The following KRT37 variants were observed in gnomAD, a reference collection of about 807,000 sequenced individuals.
KRT37 encodes the protein keratin 37, also known as keratin, type I cuticular Ha7.
In KRT37, 38 loss-of-function variants were observed where a neutral mutation model predicts 41.9. The ratio of observed to expected loss-of-function variants is 0.91; its 90% CI spans 0.70 to 1.19. KRT37 has a LOEUF of 1.19. KRT37 is among the 50% of genes most tolerant of loss of function. The pLI is 0.00. For missense variants in KRT37, 580 were observed against 575.5 expected (o/e 1.01, Z -0.08); for synonymous variants, 252 against 243.4 (o/e 1.04, Z -0.33).
Position 41,422,922 on chromosome 17 carries a change from C to A in KRT37, c.588G>T (p.Glu196Asp). Residue 196 changes from glutamate to aspartate, a missense_variant, in exon 3 of 7, where the codon GAG becomes GAT. Coordinates refer to ENST00000225550, the MANE Select transcript of KRT37 (RefSeq NM_003770.5). Reference protein sequence around the residue: ...ADDFRIKLESERSLHQLVEAD... With the variant: ...ADDFRIKLESDRSLHQLVEAD... ...CCTCCACCAGCTGGTGAAGGGAGCG[C>A]TCACTCTCCAGCCTTCCGTCACAGG... The A allele has an allele frequency of 9.3e-6, 15 of 1,613,598 alleles. No homozygotes were observed. Among genetic ancestry groups the A allele is most frequent in the Non-Finnish European group, 1.3e-5 (15 of 1,179,720 alleles).
At chr17:41,423,963 A>G in intron 1 of KRT37, 69 bp downstream of exon 1, 1 of 1,602,478 alleles carries the variant, frequency 6.2e-7, no homozygotes, top group Non-Finnish European at 8.5e-7. Flanking sequence ...TCTGGACCTT[A>G]TGCAGATTCC....
In KRT37 at chr17:41,422,792, T is replaced by C. The variant is rs750494445; in HGVS notation, c.718A>G (p.Ser240Gly). The C allele has an allele frequency of 1.9e-6, 3 of 1,609,572 alleles. No homozygotes were observed. The Admixed American group carries it at 5.0e-5, about 27-fold the overall frequency. The change falls in exon 3 of 7, where the codon AGC becomes GGC. Residue 240 changes from serine to glycine, a missense_variant. Coordinates refer to ENST00000225550, the MANE Select transcript of KRT37 (RefSeq NM_003770.5). ...SLKEEQLSLK[S>G]NHEQEVKILR... ...CAGGGCCACACCTGCTCGTGGTTGC[T>C]CTTGAGGGAGAGCTGCTCCTCCTTC... is the stretch of plus-strand genomic sequence containing the variant.
rs1226247252 is a variant in KRT37 at position 41,424,044 on chromosome 17, C to T, written c.480G>A (p.Glu160=). The T allele has an allele frequency of 6.2e-7, 1 of 1,612,754 alleles. No homozygotes were observed. The highest frequency in any genetic ancestry group is 1.3e-5 in the African/African-American group (1 of 74,898). ...TCCCACACCTCACCTTCTGCTGGAG[C>T]TCCTCGATTGTACGGAAGTAGGACT... ...DYQSYFRTIE[E]LQQKILCSKA... Residue 160 remains glutamate, a synonymous_variant, in exon 1 of 7, where the codon GAG becomes GAA. Transcript: ENST00000225550.
chr17:41,420,989 G>A lies in KRT37; in HGVS notation c.1242-3C>T. The stretch of plus-strand genomic sequence containing the variant: ...TGGAACAGGGATTGCAGGGGAGTCT[G>A]CAGGGAGAGAAAGAAGAGTTACATT... On this transcript the variant is annotated splice_polypyrimidine_tract_variant and splice_region_variant and intron_variant, in intron 6 of 6. Coordinates refer to ENST00000225550, the MANE Select transcript of KRT37 (RefSeq NM_003770.5). 6 of 1,603,212 alleles carry A rather than the reference G, an allele frequency of 3.7e-6. No homozygotes were observed. Among genetic ancestry groups the A allele is most frequent in the Non-Finnish European group, 4.3e-6 (5 of 1,170,226 alleles).
rs749063691 is a variant in KRT37, at chr17:41,424,500, G to C, written c.24C>G (p.Ser8=). ...CCATGGTGCAACCCAGAGGGCATGA[G>C]GAGGTGCTGTAGAAGGAGGTCATGG... is the stretch of plus-strand genomic sequence containing the variant. The part of the protein sequence containing the change: MTSFYST[S]SCPLGCTMAP... Residue 8 remains serine, a synonymous_variant, in exon 1 of 7, where the codon TCC becomes TCG. Transcript: ENST00000225550. 4 of 1,588,202 alleles carry C rather than the reference G, an allele frequency of 2.5e-6. No individual in the cohort carries two copies. In the Admixed American group the frequency reaches 5.1e-5, roughly 20 times the overall value.
At chr17:41,421,679 C>T in intron 5 of KRT37, 92 bp from the exon 6 acceptor site, 1 of 1,212,360 alleles carries the variant, frequency 8.2e-7, no homozygotes, top group Non-Finnish European at 1.2e-6. Context: ...AGGGCAAATT[C>T]CAAAATGTCA....
In KRT37 at chr17:41,422,908, T is replaced by C. The variant is rs761671486; in HGVS notation, c.602A>G (p.Gln201Arg). The C allele has an allele frequency of 2.5e-6, 4 of 1,613,990 alleles. No homozygotes were observed. The highest frequency in any genetic ancestry group is 1.1e-5 in the South Asian group (1 of 91,066). The change falls in exon 3 of 7, where the codon CAG (glutamine) becomes CGG (arginine). Residue 201 changes from glutamine (Q) to arginine (R), a missense_variant. By Grantham distance (43) the Gln-to-Arg change is conservative. Coordinates refer to ENST00000225550, the MANE Select transcript of KRT37 (RefSeq NM_003770.5). ...CCCGCACTTGTCCGCCTCCACCAGC[T>C]GGTGAAGGGAGCGCTCACTCTCCAG... ...IKLESERSLH[Q>R]LVEADKCGTQ... is the part of the protein sequence containing the mutation.
chr17:41,422,423 A>C lies in KRT37; in HGVS notation c.744T>G (p.Ile248Met), dbSNP rs551605318. ...ACTTCTCCCCCAGCTGACTCCTCAG[A>C]ATCTTTACTTCCTGCAGAAATGGAA... ...LKSNHEQEVK[I>M]LRSQLGEKFR... The change falls in exon 4 of 7, where the codon ATT becomes ATG. Residue 248 changes from isoleucine (I) to methionine (M), a missense_variant. Physicochemically the swap from Ile to Met is conservative, Grantham distance 10 (BLOSUM62 1). Transcript: ENST00000225550. The C allele has an allele frequency of 1.9e-6, 3 of 1,614,098 alleles. No individual in the cohort carries two copies. The African/African-American group carries it at 4.0e-5, about 22-fold the overall frequency.
rs1348161093 is a variant in KRT37, at chr17:41,420,880, A to G, written c.1348T>C (p.Ter450ArgextTer2). The G allele has an allele frequency of 1.2e-6, 2 of 1,608,328 alleles. No individual in the cohort carries two copies. The highest frequency in any genetic ancestry group is 2.2e-5 in the East Asian group (1 of 44,872). Residue 450 changes from the stop codon to arginine, a stop_lost, in exon 7 of 7, where the codon TGA becomes CGA. Coordinates refer to ENST00000225550, the MANE Select transcript of KRT37 (RefSeq NM_003770.5). Reference sequence around the variant, plus strand: ...TCTCCTAACTCGGGCCTTCAGAATCATCTCCCCATGCTGGCTCCATGGCCA... The same window carrying G: ...TCTCCTAACTCGGGCCTTCAGAATCGTCTCCCCATGCTGGCTCCATGGCCA... Reference protein sequence around the residue: ...PSGHGASMGR* With the variant: ...PSGHGASMGRR
rs147426931 is a variant in KRT37 at position 41,424,061 on chromosome 17, A to G, written c.463T>C (p.Phe155Leu). Residue 155 changes from phenylalanine to leucine, a missense_variant, in exon 1 of 7, where the codon TTC becomes CTC. Phe to Leu is a conservative substitution (Grantham distance 22, BLOSUM62 0). Transcript: ENST00000225550. ...TGCTGGAGCTCCTCGATTGTACGGA[A>G]GTAGGACTGGTAGTCGGGGCACACG... The part of the protein sequence containing the change: ...STVCPDYQSY[F>L]RTIEELQQKI... 8.2e-5 allele frequency: 133 copies of G among 1,614,050 alleles called. No individual in the cohort carries two copies. The African/African-American group carries it at 1.5e-3, about 18-fold the overall frequency.
At position 41,424,333 on chromosome 17, in the gene KRT37, C is replaced by T. The variant is rs370751326; in HGVS notation, c.191G>A (p.Arg64His). ...RVRVGSTPLGRPSLCLPPTSH... is the reference protein window; with the variant it reads ...RVRVGSTPLGHPSLCLPPTSH... ...GGTTGGGGGCAGACAGAGGCTGGGG[C>T]GGCCCAGGGGAGTCGACCCCACACG... Residue 64 changes from arginine to histidine, a missense_variant, in exon 1 of 7, where the codon CGC (arginine) becomes CAC (histidine). Coordinates refer to ENST00000225550, the MANE Select transcript of KRT37 (RefSeq NM_003770.5). 2.4e-5 allele frequency: 39 copies of T among 1,613,890 alleles called. No individual in the cohort carries two copies. The highest frequency in any genetic ancestry group is 2.7e-5 in the African/African-American group (2 of 74,920).
rs781404103 is a variant in KRT37, at chr17:41,423,850, GA to G, written c.493-7del. On this transcript the variant is annotated splice_polypyrimidine_tract_variant and splice_region_variant and intron_variant, in intron 1 of 6. Transcript: ENST00000225550. Reference sequence around the variant, plus strand: ...TCAGCCTTGCTGCACAGGATCTGAGGAAAACGGAAAGACGGTTCACACACAA... The same window carrying G: ...TCAGCCTTGCTGCACAGGATCTGAGGAAACGGAAAGACGGTTCACACACAA... 7.8e-5 allele frequency: 126 copies of G among 1,614,002 alleles called. 1 individual carries two copies. Among genetic ancestry groups the G allele is most frequent in the Non-Finnish European group, 9.8e-5 (116 of 1,179,990 alleles).
chr17:41,422,917 G>A lies in KRT37; in HGVS notation c.593C>T (p.Ser198Phe), dbSNP rs765476125. 3.7e-6 allele frequency: 6 copies of A among 1,613,738 alleles called. No homozygotes were observed. The highest frequency in any genetic ancestry group is 4.2e-6 in the Non-Finnish European group (5 of 1,179,792). ...DFRIKLESER[S>F]LHQLVEADKC... ...GTCCGCCTCCACCAGCTGGTGAAGGGAGCGCTCACTCTCCAGCCTTCCGTC... is the reference window on the plus strand; with the variant it reads ...GTCCGCCTCCACCAGCTGGTGAAGGAAGCGCTCACTCTCCAGCCTTCCGTC... The change falls in exon 3 of 7, where the codon TCC becomes TTC. Residue 198 changes from serine to phenylalanine, a missense_variant. Transcript: ENST00000225550.
intron 1 of KRT37, 63 bp from the exon 2 acceptor site, chr17:41,423,907 G>A: frequency 1.2e-6 from 2 of 1,607,638 alleles, no homozygotes; most frequent in Non-Finnish European, 1.7e-6. Flanking sequence ...CACTCCATGT[G>A]TGGTATTTAC....
In KRT37 at chr17:41,420,726, T is replaced by C. The variant is rs538613664; in HGVS notation, c.*152A>G. The C allele has an allele frequency of 4.6e-5, 25 of 537,898 alleles. No individual in the cohort carries two copies. Among genetic ancestry groups the C allele is most frequent in the South Asian group, 4.3e-4 (14 of 32,506 alleles). The allele number at this position is 537,898 out of a possible 1,614,324, so 33.3% of individuals were successfully genotyped here. ...CAACAAAAAATACAGCTTAGAGGCA[T>C]AGGCAGGGAGCCACTCCTTGGAAGT... On this transcript the variant is annotated 3_prime_UTR_variant, in exon 7 of 7. Transcript: ENST00000225550.
Position 41,424,580 on chromosome 17 carries a change from G to A in KRT37, c.-57C>T. 6.6e-7 allele frequency: 1 copy of A among 1,518,694 alleles called. No homozygotes were observed. Among genetic ancestry groups the A allele is most frequent in the Non-Finnish European group, 8.8e-7 (1 of 1,133,330 alleles). The allele number at this position is 1,518,694 out of a possible 1,614,324, so 94.1% of individuals were successfully genotyped here. A position where few individuals can be genotyped will look rare whatever the true frequency, so the allele number is the denominator to read the frequency against. On this transcript the variant is annotated 5_prime_UTR_variant, in exon 1 of 7. Transcript: ENST00000225550. ...GATCAGCTGGGAAGGCTGAGCCACT[G>A]AGACTGAAGCCTCCTCTCCTCCCAA...
In KRT37 at chr17:41,422,348, C is replaced by G; in HGVS notation, c.819G>C (p.Leu273Phe). The G allele has an allele frequency of 6.2e-7, 1 of 1,614,236 alleles. No individual in the cohort carries two copies. The highest frequency in any genetic ancestry group is 1.7e-5 in the Admixed American group (1 of 60,036). ...IEPTIDLNRV[L>F]GEMRAQYEAM... The stretch of plus-strand genomic sequence containing the variant: ...CCTCGTACTGAGCCCGCATCTCCCC[C>G]AACACCCTGTTCAGGTCAATGGTGG... The change falls in exon 4 of 7, where the codon TTG becomes TTC. Residue 273 changes from leucine (L) to phenylalanine (F), a missense_variant. Physicochemically the swap from Leu to Phe is conservative, Grantham distance 22. Coordinates refer to ENST00000225550, the MANE Select transcript of KRT37 (RefSeq NM_003770.5).
chr17:41,423,689 A>T, intron 2 of KRT37, 73 bp downstream of exon 2: 1 of 1,394,412 alleles, frequency 7.2e-7, no homozygotes, highest in Non-Finnish European at 1.0e-6. Context: ...TACAATATAG[A>T]CTGAGTAATG....
At chr17:41,422,462 T>A in intron 3 of KRT37, 28 bp from the exon 4 acceptor site, 1 of 1,611,974 alleles carries the variant, frequency 6.2e-7, no homozygotes, top group Non-Finnish European at 8.5e-7. Context: ...ATAGACAGCC[T>A]GCGTAAGGAA....
Sources: gnomAD v4.1 joint callset for allele counts on GRCh38, gnomAD v4.1.1 for gene constraint, MANE v1.5 for transcripts, NCBI Gene and HGNC (gene_info 2026-07-23, HGNC 2026-07-21) for gene names.